Variants in ASIC2 observed in about 807,000 individuals in gnomAD.
ASIC2 encodes the protein acid sensing ion channel subunit 2, also known as acid-sensing ion channel 2.
In ASIC2, 25 loss-of-function variants were observed where a neutral mutation model predicts 57.3. That is an observed-to-expected ratio of 0.44 (90% CI 0.32 to 0.61). ASIC2 has a LOEUF of 0.61. Among genes scored for constraint, ASIC2 ranks in the 20% least tolerant of loss-of-function variants. The probability of loss-of-function intolerance (pLI) is 0.06; values close to 1 mark genes in which losing one functional copy is unlikely to be tolerated. For missense variants in ASIC2, 641 were observed against 738.1 expected, an observed-to-expected ratio of 0.87 and a Z score of 1.52; for synonymous variants, 319 against 307.5, an observed-to-expected ratio of 1.04 and a Z score of -0.39.
chr17:33,254,351 C>T (rs1032249282), intron 1 of ASIC2, among the ~76,000 whole-genome samples: 15 of 152,214 alleles, frequency 9.9e-5, no homozygotes, highest in Non-Finnish European at 1.6e-4. Context: ...ATGTATATCT[C>T]GGACATGATC....
At chr17:33,822,013 A>G (rs553661506) in intron 1 of ASIC2, among the ~76,000 whole-genome samples, 1 of 152,288 alleles carries the variant, frequency 6.6e-6, no homozygotes, top group African/African-American at 2.4e-5. Context: ...ACTGGTTGGA[A>G]TCTTGGTTTG....
chr17:33,584,160 C>A (rs775902828), intron 1 of ASIC2, among the ~76,000 whole-genome samples: 1 of 152,190 alleles, frequency 6.6e-6, no homozygotes, highest in Non-Finnish European at 1.5e-5. Flanking sequence ...GATAATAAAA[C>A]CCCCTCTACA....
At chr17:33,338,543 A>G (rs754898918) in intron 1 of ASIC2, among the ~76,000 whole-genome samples, 2 of 152,146 alleles carry the variant, frequency 1.3e-5, no homozygotes, top group African/African-American at 4.8e-5. Flanking sequence ...AAGGAACAAG[A>G]TGTGTGCGTG....
chr17:33,292,771 C>T lies in ASIC2; in HGVS notation c.-656G>A. 1 of 985,812 alleles carries T rather than the reference C, an allele frequency of 1.0e-6. No individual in the cohort carries two copies. The highest frequency in any genetic ancestry group is 1.2e-6 in the Non-Finnish European group (1 of 830,262). The allele number at this position is 985,812 out of a possible 1,614,324, so 61.1% of individuals were successfully genotyped here. A position where few individuals can be genotyped will look rare whatever the true frequency, so the allele number is the denominator to read the frequency against. On this transcript the variant is annotated 5_prime_UTR_variant, in exon 1 of 10. Coordinates refer to ENST00000225823, the MANE Select transcript of ASIC2 (RefSeq NM_183377.2). Reference sequence around the variant, plus strand: ...GCCGGCTGCCGCCTTCTTTCCCTTCCCCTCCAGGACCCTTCCTTGTTACTG... The same window carrying T: ...GCCGGCTGCCGCCTTCTTTCCCTTCTCCTCCAGGACCCTTCCTTGTTACTG...
intron 1 of ASIC2, among the ~76,000 whole-genome samples, chr17:34,073,555 C>T (rs911472749): frequency 4.6e-5 from 7 of 152,164 alleles, no homozygotes; most frequent in Non-Finnish European, 1.0e-4. Context: ...GTAGCAGACA[C>T]AGGATCCATT....
intron 1 of ASIC2, among the ~76,000 whole-genome samples, chr17:33,258,366 A>G (rs572837824): frequency 6.6e-6 from 1 of 152,338 alleles, no homozygotes; most frequent in East Asian, 1.9e-4. Context: ...ATCAAGAGTC[A>G]GGAGTGATCC....
intron 1 of ASIC2, among the ~76,000 whole-genome samples, chr17:33,949,969 A>G (rs570777549): frequency 1.3e-5 from 2 of 152,294 alleles, no homozygotes; most frequent in African/African-American, 4.8e-5. Flanking sequence ...GGTGTGGCCA[A>G]CCCCAGATCC....
intron 1 of ASIC2, among the ~76,000 whole-genome samples, chr17:33,405,595 C>T (rs941754711): frequency 4.0e-5 from 6 of 151,434 alleles, no homozygotes; most frequent in East Asian, 1.9e-4. Context: ...GCAATTCTCC[C>T]GCCTCAGCCT....
intron 1 of ASIC2, among the ~76,000 whole-genome samples, chr17:33,808,350 C>T (rs1291377711): frequency 6.6e-6 from 1 of 152,234 alleles, no homozygotes; most frequent in East Asian, 1.9e-4. Flanking sequence ...ACGTGAGTCC[C>T]TTCCTGGACT....
At chr17:34,047,303 C>T (rs907867005) in intron 1 of ASIC2, among the ~76,000 whole-genome samples, 8 of 151,994 alleles carry the variant, frequency 5.3e-5, no homozygotes, top group Non-Finnish European at 8.8e-5. Context: ...ATGAACAAGA[C>T]AGATATCATC....
chr17:34,026,507 C>A (rs989877842), intron 1 of ASIC2, among the ~76,000 whole-genome samples: 1 of 152,168 alleles, frequency 6.6e-6, no homozygotes, highest in African/African-American at 2.4e-5. Context: ...TTGTTTTCAT[C>A]TTAAGCTGAA....
intron 1 of ASIC2, among the ~76,000 whole-genome samples, chr17:34,098,245 T>C (rs1272272769): frequency 6.6e-6 from 1 of 152,154 alleles, no homozygotes; most frequent in African/African-American, 2.4e-5. Context: ...AGGTACTCAC[T>C]TATTTTCCTA....
In ASIC2 at chr17:33,729,276, C is replaced by T. The variant is rs60496581; in HGVS notation, c.555+426702G>A. On this transcript the variant is annotated intron_variant, in intron 1 of 9. Coordinates refer to the ASIC2 transcript ENST00000359872. ...CAAGAGAGAGAGCAGGAAGGTGCCA[C>T]ACTTTTTTAAACAACCAGATCTTGT... is the stretch of plus-strand genomic sequence containing the variant. 3.0e-3 allele frequency among the ~76,000 whole-genome samples: 454 copies of T among 152,264 alleles called. 3 individuals carry two copies. The highest frequency in any genetic ancestry group is 0.01 in the African/African-American group (425 of 41,538).
At chr17:33,813,437 T>C (rs571462852) in intron 1 of ASIC2, among the ~76,000 whole-genome samples, 3 of 152,226 alleles carry the variant, frequency 2.0e-5, no homozygotes, top group African/African-American at 7.2e-5. Context: ...TTTTTTGTTT[T>C]TGATTTTTGT....
chr17:33,292,302 G>C lies in ASIC2; in HGVS notation c.-187C>G. On this transcript the variant is annotated 5_prime_UTR_variant, in exon 1 of 10. Coordinates refer to ENST00000225823, the MANE Select transcript of ASIC2 (RefSeq NM_183377.2). The stretch of plus-strand genomic sequence containing the variant: ...CCGGCGCCGCCGCTGCCGCCTCCGC[G>C]GGCGCCCGCCCGGGGCTGAGCGCCG... 1.0e-6 allele frequency: 1 copy of C among 986,656 alleles called. No individual in the cohort carries two copies. The highest frequency in any genetic ancestry group is 1.2e-6 in the Non-Finnish European group (1 of 831,664). 61.1% of individuals were successfully genotyped at this position (986,656 alleles called of 1,614,324 possible).
At chr17:33,677,500 C>G (rs3103660) in intron 1 of ASIC2, among the ~76,000 whole-genome samples, 34,861 of 152,156 alleles carry the variant, frequency 0.23, 4,744 homozygotes, top group African/African-American at 0.38. Flanking sequence ...AAAGTGAATT[C>G]AGAACCTTCT....
chr17:33,786,345 C>A (rs1911599877), intron 1 of ASIC2, among the ~76,000 whole-genome samples: 1 of 151,966 alleles, frequency 6.6e-6, no homozygotes, highest in Admixed American at 6.6e-5. Context: ...GAAGGGTGAC[C>A]TTGAGCTCCA....
intron 1 of ASIC2, among the ~76,000 whole-genome samples, chr17:33,575,595 A>T (rs951435938): frequency 4.6e-5 from 7 of 152,188 alleles, no homozygotes; most frequent in Admixed American, 2.0e-4. Flanking sequence ...CTCTTTTCCA[A>T]GAGAATTGGC....
chr17:33,676,711 A>T (rs181740702), intron 1 of ASIC2, among the ~76,000 whole-genome samples: 1 of 152,382 alleles, frequency 6.6e-6, no homozygotes, highest in African/African-American at 2.4e-5. Context: ...TGCAAGGTGA[A>T]GCAGCAAGTG....
Sources: allele counts gnomAD v4.1 joint callset (sites outside exome capture counted in the v4.1 genomes callset), GRCh38; gene constraint gnomAD v4.1.1; transcripts MANE v1.5; gene names NCBI Gene and HGNC (gene_info 2026-07-23, HGNC 2026-07-21).